NOP9: variants seen among roughly 807,000 people sequenced by gnomAD.
NOP9 encodes NOP9 nucleolar protein.
In NOP9, 50 loss-of-function variants were observed where a neutral mutation model predicts 63.0. The observed-to-expected ratio is 0.79, with a 90% CI of 0.63 to 1.00. The LOEUF is 1.00. Ranked by LOEUF, NOP9 falls within the 50% of genes least tolerant of loss-of-function variation. NOP9 has a pLI of 0.00. For missense variants in NOP9, 758 were observed against 803.0 expected (o/e 0.94, Z 0.68); for synonymous variants, 343 against 332.8 (o/e 1.03, Z -0.33).
chr14:24,304,019 TTTC>T lies in NOP9; in HGVS notation c.1411-19_1411-17del. 6.2e-7 allele frequency: 1 copy of T among 1,609,510 alleles called. No individual in the cohort carries two copies. Among genetic ancestry groups the T allele is most frequent in the Middle Eastern group, 1.7e-4 (1 of 6,040 alleles). On this transcript the variant is annotated intron_variant, in intron 7 of 9. Transcript: ENST00000267425. The stretch of plus-strand genomic sequence containing the variant: ...CACCTGGCTTGTTGGTGCCTCCTAA[TTTC>T]TTATCTCTGCGCTGCCAGGTGGCAA...
In NOP9 at chr14:24,303,136, A is replaced by G; in HGVS notation, c.1206A>G (p.Pro402=). The part of the protein sequence containing the change: ...VLEAVLAQGH[P]GVVIALVGAC... ...AAGCTGTATTGGCCCAGGGCCACCC[A>G]GGGGTAGTCATTGCCCTGGTGGGGG... The change falls in exon 6 of 10, where the codon CCA becomes CCG. Residue 402 remains proline (P), a synonymous_variant. Coordinates refer to ENST00000267425, the MANE Select transcript of NOP9 (RefSeq NM_174913.3). 1 of 1,612,698 alleles carries G rather than the reference A, an allele frequency of 6.2e-7. No individual in the cohort carries two copies. Among genetic ancestry groups the G allele is most frequent in the Admixed American group, 1.7e-5 (1 of 59,750 alleles).
rs571063972 is a variant in NOP9, at chr14:24,307,139, G to A, written c.*2044G>A. The stretch of plus-strand genomic sequence containing the variant: ...CTTTCCATACTAGCTTCTGAATTCT[G>A]TCCCTCGAACTCTCCCTATCTCCTG... On this transcript the variant is annotated 3_prime_UTR_variant, in exon 10 of 10. Coordinates refer to ENST00000267425, the MANE Select transcript of NOP9 (RefSeq NM_174913.3). 21 of 410,748 alleles carry A rather than the reference G, an allele frequency of 5.1e-5. No individual in the cohort carries two copies. The highest frequency in any genetic ancestry group is 1.2e-4 in the Admixed American group (3 of 24,868). 25.4% of individuals were successfully genotyped at this position (410,748 alleles called of 1,614,324 possible).
the NOP9 span, among the ~76,000 whole-genome samples, chr14:24,272,645 G>A: frequency 5.3e-5 from 8 of 152,290 alleles, no homozygotes; most frequent in East Asian, 1.5e-3. Flanking sequence ...GTGCTGAGTG[G>A]CTCCTTTTCA....
chr14:24,291,920 T>C, the NOP9 span: 1 of 602,740 alleles, frequency 1.7e-6, no homozygotes, highest in Non-Finnish European at 2.9e-6. Flanking sequence ...GTCAAGTGCA[T>C]GGTCTTTGGA....
the NOP9 span, among the ~76,000 whole-genome samples, chr14:24,286,628 T>C: frequency 6.6e-6 from 1 of 152,218 alleles, no homozygotes; most frequent in Non-Finnish European, 1.5e-5. Context: ...AGTCTCGCTC[T>C]GTCGCCCAGG....
At chr14:24,303,984 T>C (rs975781434) in intron 7 of NOP9, 57 bp from the exon 8 acceptor site, 114 of 1,580,102 alleles carry the variant, frequency 7.2e-5, no homozygotes, top group Non-Finnish European at 9.4e-5. Context: ...GTTCTGGGGA[T>C]GGGCTCATCC....
At position 24,307,905 on chromosome 14, in the gene NOP9, C is replaced by G. The variant is rs780443779; in HGVS notation, c.*2810C>G. Reference sequence around the variant, plus strand: ...CCTGGAACTTCTGGGCTGGGTGGTTCTCTCCTGTGCTGGGGCTTTAGTGGT... The same window carrying G: ...CCTGGAACTTCTGGGCTGGGTGGTTGTCTCCTGTGCTGGGGCTTTAGTGGT... On this transcript the variant is annotated 3_prime_UTR_variant, in exon 10 of 10. Coordinates refer to ENST00000267425, the MANE Select transcript of NOP9 (RefSeq NM_174913.3). The G allele has an allele frequency of 6.6e-7, 1 of 1,515,362 alleles. No individual in the cohort carries two copies. Among genetic ancestry groups the G allele is most frequent in the South Asian group, 1.2e-5 (1 of 83,764 alleles). The allele number at this position is 1,515,362 out of a possible 1,614,324, so 93.9% of individuals were successfully genotyped here.
the NOP9 span, among the ~76,000 whole-genome samples, chr14:24,288,316 A>G: frequency 3.9e-5 from 6 of 152,064 alleles, no homozygotes; most frequent in African/African-American, 1.4e-4. Context: ...GGTGCAGAGC[A>G]GGCTGTTAGA....
At position 24,306,374 on chromosome 14, in the gene NOP9, C is replaced by G. The variant is rs889522941; in HGVS notation, c.*1279C>G. 1 of 1,614,210 alleles carries G rather than the reference C, an allele frequency of 6.2e-7. No individual in the cohort carries two copies. Among genetic ancestry groups the G allele is most frequent in the Admixed American group, 1.7e-5 (1 of 60,034 alleles). On this transcript the variant is annotated 3_prime_UTR_variant, in exon 10 of 10. Coordinates refer to ENST00000267425, the MANE Select transcript of NOP9 (RefSeq NM_174913.3). ...AGCAGCCCCAGTATAGGCCTCTTACCCTTGTAGGGCTCCAGCTCTGACCAG... is the reference window on the plus strand; with the variant it reads ...AGCAGCCCCAGTATAGGCCTCTTACGCTTGTAGGGCTCCAGCTCTGACCAG...
At chr14:24,275,573 G>C in the NOP9 span, among the ~76,000 whole-genome samples, 1 of 152,092 alleles carries the variant, frequency 6.6e-6, no homozygotes, top group East Asian at 1.9e-4. Flanking sequence ...ATACACAGAA[G>C]CACACACACA....
the NOP9 span, among the ~76,000 whole-genome samples, chr14:24,276,289 A>G: frequency 6.6e-6 from 1 of 150,922 alleles, no homozygotes; most frequent in Non-Finnish European, 1.5e-5. Context: ...AGGCAGGAGA[A>G]TCGTTTGAGC....
At chr14:24,280,881 G>A in the NOP9 span, among the ~76,000 whole-genome samples, 2 of 152,330 alleles carry the variant, frequency 1.3e-5, no homozygotes, top group African/African-American at 4.8e-5. Context: ...GGATCTTAGA[G>A]CCCAGGGCAG....
At chr14:24,292,451 C>CA in the NOP9 span, 1 of 1,490,876 alleles carries the variant, frequency 6.7e-7, no homozygotes, top group Admixed American at 1.9e-5. Flanking sequence ...CCCAAGGTCT[C>CA]AGCTGCCCAC....
rs769154283 is a variant in NOP9 at position 24,300,138 on chromosome 14, C to T, written c.184C>T (p.Leu62=). The T allele has an allele frequency of 2.5e-6, 4 of 1,614,010 alleles. No homozygotes were observed. In the Admixed American group the frequency reaches 6.7e-5, roughly 27 times the overall value. ...GCACCCGCACCTGAGCCCGGAAGCT[C>T]TGGGATATTTCCGCCGGGCGCTGTC... ...DSHPHLSPEA[L]GYFRRALSAL... The change falls in exon 1 of 10, where the codon CTG becomes TTG. Residue 62 remains leucine, a synonymous_variant. Coordinates refer to ENST00000267425, the MANE Select transcript of NOP9 (RefSeq NM_174913.3).
At chr14:24,292,255 TC>T in the NOP9 span, 11 of 1,613,758 alleles carry the variant, frequency 6.8e-6, no homozygotes, top group Non-Finnish European at 9.3e-6. Context: ...GTCTGCACAA[TC>T]CCCGGCCACA....
chr14:24,279,158 G>A, the NOP9 span, among the ~76,000 whole-genome samples: 1 of 152,200 alleles, frequency 6.6e-6, no homozygotes, highest in Non-Finnish European at 1.5e-5. Flanking sequence ...TTGTGAGAAC[G>A]TAGTAGTGGA....
chr14:24,308,377 A>T lies in NOP9; in HGVS notation c.*3282A>T, dbSNP rs1257700031. ...GCATGGCAGGGCTTTGGAAAATGAG[A>T]GGTGAGACTGTGTCCAGGAAGGGTG... On this transcript the variant is annotated 3_prime_UTR_variant, in exon 10 of 10. Coordinates refer to ENST00000267425, the MANE Select transcript of NOP9 (RefSeq NM_174913.3). The T allele has an allele frequency of 5.0e-6, 1 of 200,102 alleles. No homozygotes were observed. Among genetic ancestry groups the T allele is most frequent in the Non-Finnish European group, 1.0e-5 (1 of 95,748 alleles). The allele number at this position is 200,102 out of a possible 1,614,324, so 12.4% of individuals were successfully genotyped here.
At chr14:24,300,313 C>T in intron 1 of NOP9, 95 bp from the exon 2 acceptor site, 1 of 1,550,984 alleles carries the variant, frequency 6.4e-7, no homozygotes, top group South Asian at 1.2e-5. Context: ...ATGTCCTCTT[C>T]CTCGGCCTCC....
At chr14:24,280,954 G>C in the NOP9 span, among the ~76,000 whole-genome samples, 1 of 152,174 alleles carries the variant, frequency 6.6e-6, no homozygotes, top group African/African-American at 2.4e-5. Context: ...CACCGGGAGG[G>C]AGTGGACAGG....
Sources: allele counts gnomAD v4.1 joint callset (sites outside exome capture counted in the v4.1 genomes callset), GRCh38; gene constraint gnomAD v4.1.1; transcripts MANE v1.5; gene names NCBI Gene and HGNC (gene_info 2026-07-23, HGNC 2026-07-21).